GAD2: variants seen among roughly 807,000 people sequenced by gnomAD.
The protein encoded by GAD2 is glutamate decarboxylase 2, also known as 65 kDa glutamic acid decarboxylase.
A neutral mutation model predicts 80.1 loss-of-function variants in GAD2; 22 were observed. The observed-to-expected ratio is 0.27, with a 90% CI of 0.20 to 0.39. GAD2 has a LOEUF of 0.39. GAD2 is among the 10% of genes least tolerant of loss of function. GAD2 has a pLI of 1.00. For synonymous variants in GAD2, 274 were observed against 256.9 expected (o/e 1.07, Z -0.64); for missense variants, 624 against 738.4 (o/e 0.85, Z 1.80).
At chr10:26,220,994 G>A (rs1445775559) in intron 4 of GAD2, among the ~76,000 whole-genome samples, 2 of 152,120 alleles carry the variant, frequency 1.3e-5, no homozygotes, top group Non-Finnish European at 2.9e-5. Context: ...AAAATGTGAT[G>A]GATTAAGTTG....
intron 8 of GAD2, among the ~76,000 whole-genome samples, chr10:26,259,058 T>C (rs1416025504): frequency 6.6e-6 from 1 of 152,146 alleles, no homozygotes; most frequent in Non-Finnish European, 1.5e-5. Flanking sequence ...CCTCAGGTGA[T>C]CCACCCACCT....
rs1269885667 is a variant in GAD2, at chr10:26,283,682, G to A, written c.1236+2595G>A. Among the ~76,000 whole-genome samples the A allele has an allele frequency of 2.6e-5, 4 of 152,198 alleles. No homozygotes were observed. In the East Asian group the frequency reaches 7.7e-4, roughly 29 times the overall value. The stretch of plus-strand genomic sequence containing the variant: ...GTTCCATCAAGCTAGAGCCCAAACT[G>A]TGGGGACCATTTGGTAAACGTGGAA... On this transcript the variant is annotated intron_variant, in intron 12 of 15. Transcript: ENST00000376261.
chr10:26,246,013 C>T lies in GAD2; in HGVS notation c.920+13C>T, dbSNP rs752947706. On this transcript the variant is annotated intron_variant, in intron 8 of 15. Transcript: ENST00000376261. ...AATGTGATGAGAGGTGAGCACGCAT[C>T]GGCAACTCTTGTTGGTTAGCAATTT... 1.6e-5 allele frequency: 25 copies of T among 1,611,038 alleles called. No homozygotes were observed. Among genetic ancestry groups the T allele is most frequent in the South Asian group, 5.5e-5 (5 of 90,856 alleles).
In GAD2 at chr10:26,269,974, A is replaced by G. The variant is rs545166344; in HGVS notation, c.976-666A>G. Reference sequence around the variant, plus strand: ...GCCACCTAAAGACTGACACCATAACATCACGTTCTATAGACAGGACAGAGT... The same window carrying G: ...GCCACCTAAAGACTGACACCATAACGTCACGTTCTATAGACAGGACAGAGT... On this transcript the variant is annotated intron_variant, in intron 9 of 15. Coordinates refer to ENST00000376261, the MANE Select transcript of GAD2 (RefSeq NM_001134366.2). Among the ~76,000 whole-genome samples the G allele has an allele frequency of 3.9e-5, 6 of 152,336 alleles. No individual in the cohort carries two copies. In the East Asian group the frequency reaches 1.2e-3, roughly 29 times the overall value.
At chr10:26,218,069 C>T in intron 3 of GAD2, 78 bp downstream of exon 3, 2 of 1,445,830 alleles carry the variant, frequency 1.4e-6, no homozygotes, top group Non-Finnish European at 9.3e-7. Context: ...GCGGGTCCGG[C>T]GCTGAGAGCC....
intron 7 of GAD2, among the ~76,000 whole-genome samples, chr10:26,240,665 GA>G (rs1407646782): frequency 9.2e-5 from 14 of 151,722 alleles, no homozygotes; most frequent in Non-Finnish European, 1.5e-4. Flanking sequence ...CCAGGAGGCG[GA>G]GGTTGCAGTG....
intron 8 of GAD2, among the ~76,000 whole-genome samples, chr10:26,262,658 A>G (rs954100813): frequency 1.3e-5 from 2 of 152,150 alleles, no homozygotes; most frequent in Non-Finnish European, 2.9e-5. Context: ...TTAATTTCAG[A>G]AGCACTCAGA....
intron 8 of GAD2, among the ~76,000 whole-genome samples, chr10:26,247,220 G>A (rs535976831): frequency 1.3e-5 from 2 of 152,306 alleles, no homozygotes; most frequent in South Asian, 2.1e-4. Flanking sequence ...ACCATATAGA[G>A]TAACTTCCTG....
At chr10:26,292,399 C>A in intron 13 of GAD2, 66 bp from the exon 14 acceptor site, 6 of 1,172,098 alleles carry the variant, frequency 5.1e-6, no homozygotes, top group Non-Finnish European at 7.6e-6. Flanking sequence ...GACGGTCAGT[C>A]TCCAGGGAAA....
intron 8 of GAD2, among the ~76,000 whole-genome samples, chr10:26,264,221 T>A (rs1474736856): frequency 6.6e-6 from 1 of 151,852 alleles, no homozygotes; most frequent in Non-Finnish European, 1.5e-5. Flanking sequence ...ATCTTATAAA[T>A]GAGTAAAAAG....
chr10:26,254,018 C>G, intron 8 of GAD2, among the ~76,000 whole-genome samples: 1 of 152,028 alleles, frequency 6.6e-6, no homozygotes, highest in Admixed American at 6.5e-5. Context: ...GATTCTTTTT[C>G]TTTTCTTTTA....
intron 6 of GAD2, among the ~76,000 whole-genome samples, chr10:26,228,713 T>G (rs1844560394): frequency 6.6e-6 from 1 of 152,144 alleles, no homozygotes; most frequent in Non-Finnish European, 1.5e-5. Context: ...ATGCGAGGGA[T>G]CTAGGTTGCA....
intron 15 of GAD2, 24 bp downstream of exon 15, chr10:26,293,015 T>C: frequency 6.4e-7 from 1 of 1,560,570 alleles, no homozygotes. Context: ...GCTCCTCTGA[T>C]ACATGTGTGT....
intron 8 of GAD2, among the ~76,000 whole-genome samples, chr10:26,257,068 A>G (rs989202122): frequency 6.6e-6 from 1 of 152,148 alleles, no homozygotes; most frequent in African/African-American, 2.4e-5. Flanking sequence ...GTATGGACTC[A>G]AAACTATTTT....
chr10:26,229,818 A>T, intron 7 of GAD2, 41 bp downstream of exon 7: 1 of 1,446,102 alleles, frequency 6.9e-7, no homozygotes, highest in Non-Finnish European at 9.7e-7. Flanking sequence ...GTTATGTTCC[A>T]TAAAGCCCGA....
At chr10:26,218,158 C>T in intron 3 of GAD2, 167 bp downstream of exon 3, 1 of 717,328 alleles carries the variant, frequency 1.4e-6, no homozygotes, top group Non-Finnish European at 2.2e-6. Flanking sequence ...GGGACCTGCC[C>T]GCTGGGTCCA....
chr10:26,229,097 G>A (rs1195338446), intron 6 of GAD2, among the ~76,000 whole-genome samples: 1 of 152,052 alleles, frequency 6.6e-6, no homozygotes, highest in Non-Finnish European at 1.5e-5. Flanking sequence ...GGGAGGCTGA[G>A]GCAGGAGAAT....
At chr10:26,276,982 A>T (rs566935224) in intron 11 of GAD2, among the ~76,000 whole-genome samples, 1 of 152,290 alleles carries the variant, frequency 6.6e-6, no homozygotes, top group Non-Finnish European at 1.5e-5. Context: ...TCTAGTGGGG[A>T]AGATTGTCAA....
chr10:26,267,417 G>A (rs1845084831), intron 8 of GAD2, among the ~76,000 whole-genome samples: 1 of 152,172 alleles, frequency 6.6e-6, no homozygotes, highest in Admixed American at 6.5e-5. Flanking sequence ...CTGCTTTAAG[G>A]GATGCCCCCA....
Sources: gnomAD v4.1 joint callset for allele counts (sites outside exome capture counted in the v4.1 genomes callset) on GRCh38, gnomAD v4.1.1 for gene constraint, MANE v1.5 for transcripts, NCBI Gene and HGNC (gene_info 2026-07-23, HGNC 2026-07-21) for gene names.